Variants in NIPBL observed in about 807,000 individuals in gnomAD.
NIPBL encodes NIPBL cohesin loading factor.
In NIPBL, 19 loss-of-function variants were observed where a neutral mutation model predicts 321.8. The ratio of observed to expected loss-of-function variants is 0.06; its 90% confidence interval spans 0.04 to 0.09. The LOEUF (loss-of-function observed/expected upper bound fraction) is 0.09, where lower values mean the gene tolerates loss of function less well. Ranked by LOEUF, NIPBL falls within the 10% of genes least tolerant of loss-of-function variation. The pLI is 1.00. For missense variants in NIPBL, 2,210 were observed against 3,327.0 expected, an observed-to-expected ratio of 0.66 and a Z score of 8.26; for synonymous variants, 1,106 against 1,114.1, an observed-to-expected ratio of 0.99 and a Z score of 0.14.
At chr5:37,005,153 T>C (rs1747277251) in intron 16 of NIPBL, among the ~76,000 whole-genome samples, 1 of 152,216 alleles carries the variant, frequency 6.6e-6, no homozygotes, top group South Asian at 2.1e-4. Flanking sequence ...CTTCTTCCAC[T>C]GTGGCCCAGG....
intron 1 of NIPBL, among the ~76,000 whole-genome samples, chr5:36,896,891 C>T (rs1385858117): frequency 1.3e-5 from 2 of 152,138 alleles, no homozygotes; most frequent in Non-Finnish European, 2.9e-5. Context: ...TGACCCACCA[C>T]ACCTGGCCAG....
intron 9 of NIPBL, among the ~76,000 whole-genome samples, chr5:36,976,872 C>G (rs1262764322): frequency 1.3e-5 from 2 of 151,926 alleles, no homozygotes; most frequent in Non-Finnish European, 2.9e-5. Context: ...ATCCTACTGG[C>G]TTAATAATGT....
In NIPBL at chr5:36,959,656, A is replaced by G. The variant is rs546708752; in HGVS notation, c.358+1425A>G. 4.6e-5 allele frequency among the ~76,000 whole-genome samples: 7 copies of G among 152,350 alleles called. No homozygotes were observed. In the East Asian group the frequency reaches 9.6e-4, roughly 21 times the overall value. Reference sequence around the variant, plus strand: ...GTTTTATGAGAATGTGAGTAAATCTAATATTGGATAAATGAATCTAAGGCT... The same window carrying G: ...GTTTTATGAGAATGTGAGTAAATCTGATATTGGATAAATGAATCTAAGGCT... On this transcript the variant is annotated intron_variant, in intron 4 of 46. Transcript: ENST00000282516.
At chr5:36,935,324 A>C (rs528451071) in intron 1 of NIPBL, among the ~76,000 whole-genome samples, 2 of 152,092 alleles carry the variant, frequency 1.3e-5, no homozygotes, top group Admixed American at 6.6e-5. Flanking sequence ...AAGTTTTCAC[A>C]AGTACCTGAC....
chr5:36,906,091 A>G (rs1016283312), intron 1 of NIPBL, among the ~76,000 whole-genome samples: 42 of 152,188 alleles, frequency 2.8e-4, no homozygotes, highest in African/African-American at 1.0e-3. Context: ...GCCTTACTAC[A>G]TATTAAAATG....
Position 37,020,685 on chromosome 5 carries a change from G to C in NIPBL, c.5225+12G>C. The C allele has an allele frequency of 6.2e-7, 1 of 1,609,426 alleles. No homozygotes were observed. Among genetic ancestry groups the C allele is most frequent in the Non-Finnish European group, 8.5e-7 (1 of 1,175,982 alleles). On this transcript the variant is annotated intron_variant, in intron 26 of 46. Coordinates refer to ENST00000282516, the MANE Select transcript of NIPBL (RefSeq NM_133433.4). The stretch of plus-strand genomic sequence containing the variant: ...TTTAGCACATTAAAGTAAGATCCAA[G>C]GAGAAAACAGTTTACATTTATCTCC...
chr5:37,035,439 T>G (rs986302521), intron 32 of NIPBL, among the ~76,000 whole-genome samples: 7 of 152,258 alleles, frequency 4.6e-5, no homozygotes, highest in African/African-American at 1.4e-4. Flanking sequence ...GTTACTCTGG[T>G]TGCTGTCAGT....
chr5:37,000,738 G>A, intron 12 of NIPBL, 79 bp from the exon 13 acceptor site: 1 of 1,382,966 alleles, frequency 7.2e-7, no homozygotes, highest in Non-Finnish European at 1.0e-6. Flanking sequence ...TTAACGTTCA[G>A]GAAAAAAACT....
intron 11 of NIPBL, among the ~76,000 whole-genome samples, chr5:36,998,521 A>G (rs1187441861): frequency 6.6e-6 from 1 of 152,146 alleles, no homozygotes; most frequent in Non-Finnish European, 1.5e-5. Flanking sequence ...CAAGGTTGTA[A>G]AATACTAATT....
chr5:37,064,084 T>C lies in NIPBL; in HGVS notation c.8049+106T>C, dbSNP rs576283345. On this transcript the variant is annotated intron_variant, in intron 46 of 46. Transcript: ENST00000282516. ...AAATGTACACCAAGTAATGTAATAC[T>C]TAAAAGAGAAAACATTTTGTAGATA... is the stretch of plus-strand genomic sequence containing the variant. The C allele has an allele frequency of 5.4e-6, 8 of 1,489,062 alleles. No homozygotes were observed. The African/African-American group carries it at 9.8e-5, about 18-fold the overall frequency. 92.2% of individuals were successfully genotyped at this position (1,489,062 alleles called of 1,614,324 possible).
chr5:36,894,535 A>G (rs1242547483), intron 1 of NIPBL, among the ~76,000 whole-genome samples: 1 of 152,136 alleles, frequency 6.6e-6, no homozygotes, highest in African/African-American at 2.4e-5. Flanking sequence ...CTCTATTTTG[A>G]TAACTTGTTT....
At chr5:37,062,997 T>A (rs1349482200) in intron 45 of NIPBL, among the ~76,000 whole-genome samples, 1 of 152,170 alleles carries the variant, frequency 6.6e-6, no homozygotes, top group Admixed American at 6.5e-5. Context: ...TAAAAGTTTT[T>A]AAAAATGTTT....
At chr5:37,058,803 A>T in intron 43 of NIPBL, 88 bp from the exon 44 acceptor site, 1 of 1,165,826 alleles carries the variant, frequency 8.6e-7, no homozygotes. Flanking sequence ...TAGTTTAAGG[A>T]AGCTTTTTCA....
chr5:36,955,215 T>C (rs1740807491), intron 2 of NIPBL, among the ~76,000 whole-genome samples: 1 of 152,174 alleles, frequency 6.6e-6, no homozygotes, highest in Admixed American at 6.5e-5. Flanking sequence ...GTTAATAAAA[T>C]TTAAGAAATG....
chr5:36,922,079 G>C (rs1321738477), intron 1 of NIPBL, among the ~76,000 whole-genome samples: 1 of 151,466 alleles, frequency 6.6e-6, no homozygotes, highest in African/African-American at 2.4e-5. Flanking sequence ...GTAGAGGCGG[G>C]GTTTCACCAT....
At chr5:37,040,204 T>A (rs1170957903) in intron 34 of NIPBL, among the ~76,000 whole-genome samples, 1 of 152,172 alleles carries the variant, frequency 6.6e-6, no homozygotes, top group African/African-American at 2.4e-5. Flanking sequence ...GTGATTTTTT[T>A]AAAACAAAAT....
intron 4 of NIPBL, among the ~76,000 whole-genome samples, chr5:36,959,582 T>C (rs1185680064): frequency 6.6e-6 from 1 of 151,992 alleles, no homozygotes; most frequent in Non-Finnish European, 1.5e-5. Flanking sequence ...TGAAAGAAAA[T>C]GTGGAAAGAG....
chr5:37,021,908 T>C lies in NIPBL; in HGVS notation c.5329-143T>C, dbSNP rs1749693446. Reference sequence around the variant, plus strand: ...GATTTTTAAGTTAAACTTTGAATCATTAGGAAAGATCCTTTACTCATTTAT... The same window carrying C: ...GATTTTTAAGTTAAACTTTGAATCACTAGGAAAGATCCTTTACTCATTTAT... On this transcript the variant is annotated intron_variant, in intron 27 of 46. Coordinates refer to ENST00000282516, the MANE Select transcript of NIPBL (RefSeq NM_133433.4). 7.2e-6 allele frequency: 5 copies of C among 698,614 alleles called. 1 individual carries two copies. In the South Asian group the frequency reaches 8.7e-5, roughly 12 times the overall value. 43.3% of individuals were successfully genotyped at this position (698,614 alleles called of 1,614,324 possible).
chr5:36,892,316 A>G (rs1320698773), intron 1 of NIPBL, among the ~76,000 whole-genome samples: 1 of 152,212 alleles, frequency 6.6e-6, no homozygotes, highest in Non-Finnish European at 1.5e-5. Flanking sequence ...GTGGAGAAAT[A>G]GGAACACTTT....
Sources: gnomAD v4.1 joint callset for allele counts (sites outside exome capture counted in the v4.1 genomes callset) on GRCh38, gnomAD v4.1.1 for gene constraint, MANE v1.5 for transcripts, NCBI Gene and HGNC (gene_info 2026-07-23, HGNC 2026-07-21) for gene names.